The following BCAS3 variants were observed in gnomAD, a reference collection of about 807,000 sequenced individuals.
BCAS3 encodes the protein BCAS4/BCAS3 fusion.
BCAS3 carries 53 observed loss-of-function variants against 116.1 expected under a neutral mutation model. The ratio of observed to expected loss-of-function variants is 0.46; its 90% CI spans 0.37 to 0.57. The LOEUF (loss-of-function observed/expected upper bound fraction) is 0.57. Ranked by LOEUF, BCAS3 falls within the 20% of genes least tolerant of loss-of-function variation. The pLI is 0.00. For missense variants in BCAS3, 917 were observed against 1,165.4 expected, an observed-to-expected ratio of 0.79 and a Z score of 3.10; for synonymous variants, 391 against 408.2, an observed-to-expected ratio of 0.96 and a Z score of 0.51.
chr17:60,821,337 CA>C (rs1279849509), intron 7 of BCAS3, among the ~76,000 whole-genome samples: 25 of 152,126 alleles, frequency 1.6e-4, no homozygotes, highest in Non-Finnish European at 3.2e-4. Flanking sequence ...GTCATACATA[CA>C]TACATACATA....
Position 61,388,559 on chromosome 17 carries a change from T to C in BCAS3, c.2594-3418T>C. On this transcript the variant is annotated intron_variant, in intron 23 of 23. Transcript: ENST00000407086. The surrounding 1 kb of genome is among the most constrained non-coding windows in gnomAD (Gnocchi z 6.5). ...ACCTGCTTGCAGAGATCAGTGTACT[T>C]CTCAATCGTTGTCCATATCTTTTCC... 6.7e-7 allele frequency: 1 copy of C among 1,485,092 alleles called. No homozygotes were observed. The highest frequency in any genetic ancestry group is 9.0e-7 in the Non-Finnish European group (1 of 1,105,914). 92.0% of individuals were successfully genotyped at this position (1,485,092 alleles called of 1,614,324 possible). A position where few individuals can be genotyped will look rare whatever the true frequency, so the allele number is the denominator to read the frequency against.
At chr17:60,946,846 G>A (rs983799124) in intron 13 of BCAS3, among the ~76,000 whole-genome samples, 7 of 152,024 alleles carry the variant, frequency 4.6e-5, no homozygotes, top group Non-Finnish European at 5.9e-5. Flanking sequence ...AGGAATTTGC[G>A]GCTGCAGTGA....
chr17:60,892,955 A>G (rs1029865969), intron 10 of BCAS3, among the ~76,000 whole-genome samples: 1 of 152,114 alleles, frequency 6.6e-6, no homozygotes, highest in Non-Finnish European at 1.5e-5. Flanking sequence ...AGTCGTTTTC[A>G]CTGGCATAAG....
rs1259384685 is a variant in BCAS3, at chr17:61,378,721, A to G, written c.2593+10227A>G. 3 of 152,202 alleles carry G rather than the reference A, an allele frequency of 2.0e-5. No homozygotes were observed. The highest frequency in any genetic ancestry group is 4.4e-5 in the Non-Finnish European group (3 of 68,052). The allele number at this position is 152,202 out of a possible 1,614,324, so 9.4% of individuals were successfully genotyped here. A position where few individuals can be genotyped will look rare whatever the true frequency, so the allele number is the denominator to read the frequency against. The stretch of plus-strand genomic sequence containing the variant: ...GGTTTCTGTGGCCCCTGAGAGGTAA[A>G]TGAAAGCCAGTCAAAGCAATGGGAA... On this transcript the variant is annotated intron_variant, in intron 23 of 23. Coordinates refer to ENST00000407086, the MANE Select transcript of BCAS3 (RefSeq NM_017679.5). This position sits in a 1 kb window ranked among gnomAD's most constrained non-coding sequence, Gnocchi z 5.8.
chr17:61,080,023 A>C (rs577493825), intron 21 of BCAS3, among the ~76,000 whole-genome samples: 210 of 147,958 alleles, frequency 1.4e-3, no homozygotes, highest in South Asian at 2.6e-3. Flanking sequence ...TCCTACCTCA[A>C]CCTCCTGAGT....
At chr17:61,275,583 C>A (rs143615035) in intron 22 of BCAS3, among the ~76,000 whole-genome samples, 1 of 152,284 alleles carries the variant, frequency 6.6e-6, no homozygotes, top group Non-Finnish European at 1.5e-5. Flanking sequence ...TGAGCAGTGG[C>A]TCACTGCAGC....
intron 22 of BCAS3, among the ~76,000 whole-genome samples, chr17:61,152,686 G>A (rs2077606815): frequency 6.6e-6 from 1 of 151,752 alleles, no homozygotes; most frequent in Non-Finnish European, 1.5e-5. Flanking sequence ...TAATATTATT[G>A]TAAAGATAAT....
intron 5 of BCAS3, among the ~76,000 whole-genome samples, chr17:60,740,365 G>T (rs1416610444): frequency 6.6e-6 from 1 of 151,782 alleles, no homozygotes; most frequent in Non-Finnish European, 1.5e-5. Context: ...GGGCATGGTG[G>T]TGGGCACCTG....
intron 7 of BCAS3, among the ~76,000 whole-genome samples, chr17:60,860,223 T>C (rs773376004): frequency 5.3e-5 from 8 of 152,210 alleles, no homozygotes; most frequent in Non-Finnish European, 1.2e-4. Flanking sequence ...TGATTGTGAT[T>C]TTGATTTGCA....
intron 13 of BCAS3, among the ~76,000 whole-genome samples, chr17:60,933,424 A>C (rs919027129): frequency 6.6e-6 from 1 of 152,192 alleles, no homozygotes; most frequent in Non-Finnish European, 1.5e-5. Flanking sequence ...ACACATCTAC[A>C]TTTTAAATAA....
chr17:61,072,773 G>A lies in BCAS3; in HGVS notation c.2030-2147G>A, dbSNP rs142165745. On this transcript the variant is annotated intron_variant, in intron 19 of 23. Coordinates refer to ENST00000407086, the MANE Select transcript of BCAS3 (RefSeq NM_017679.5). ...GACTTAACCTTCCACTCACAACATG[G>A]CTTATCCCACCCAACCACAGTGGCC... is the stretch of plus-strand genomic sequence containing the variant. Among the ~76,000 whole-genome samples the A allele has an allele frequency of 9.2e-4, 140 of 151,798 alleles. 1 individual carries two copies. The highest frequency in any genetic ancestry group is 3.0e-3 in the African/African-American group (124 of 41,404).
At chr17:60,688,217 C>G (rs894372864) in intron 3 of BCAS3, 2 of 152,142 alleles carry the variant, frequency 1.3e-5, no homozygotes, top group Non-Finnish European at 2.9e-5. Context: ...CAAATAATGT[C>G]TGGGGTTTAA....
chr17:61,000,869 A>G (rs180797803), intron 15 of BCAS3, among the ~76,000 whole-genome samples: 8 of 152,298 alleles, frequency 5.3e-5, no homozygotes, highest in African/African-American at 1.9e-4. Context: ...AATTGTATAC[A>G]TCAGGAAATA....
chr17:61,108,863 G>C (rs771806413), intron 22 of BCAS3, among the ~76,000 whole-genome samples: 45 of 152,166 alleles, frequency 3.0e-4, no homozygotes, highest in Non-Finnish European at 3.4e-4. Context: ...TATGATGTTT[G>C]GTTTTCCATT....
rs185342525 is a variant in BCAS3, at chr17:61,162,815, A to G, written c.2425+78251A>G. ...GATGGAATATGAGAAAGAAAAGTGT[A>G]TTATTTACATTCTTAATGTTTTGCC... On this transcript the variant is annotated intron_variant, in intron 22 of 23. Coordinates refer to ENST00000407086, the MANE Select transcript of BCAS3 (RefSeq NM_017679.5). This position sits in a 1 kb window ranked among gnomAD's most constrained non-coding sequence, Gnocchi z 5.6. Among the ~76,000 whole-genome samples the G allele has an allele frequency of 5.9e-5, 9 of 152,348 alleles. No homozygotes were observed. The East Asian group carries it at 1.7e-3, about 29-fold the overall frequency.
At chr17:61,060,336 C>T (rs576260574) in intron 19 of BCAS3, among the ~76,000 whole-genome samples, 67 of 151,512 alleles carry the variant, frequency 4.4e-4, no homozygotes, top group East Asian at 7.8e-4. Context: ...GGGGTTTCAC[C>T]GTGTTAGCCA....
chr17:61,167,108 T>A (rs912409352), intron 22 of BCAS3, among the ~76,000 whole-genome samples: 1 of 152,222 alleles, frequency 6.6e-6, no homozygotes, highest in Non-Finnish European at 1.5e-5. Flanking sequence ...TGAATGCTTA[T>A]TGTGTTTTTA....
At chr17:60,906,610 T>C (rs1226698220) in intron 11 of BCAS3, among the ~76,000 whole-genome samples, 1 of 152,174 alleles carries the variant, frequency 6.6e-6, no homozygotes, top group Admixed American at 6.5e-5. Flanking sequence ...AGCTGAAATG[T>C]CTGGATTTCC....
At position 61,229,833 on chromosome 17, in the gene BCAS3, A is replaced by G. The variant is rs1024371435; in HGVS notation, c.2426-138494A>G. 1.3e-5 allele frequency among the ~76,000 whole-genome samples: 2 copies of G among 152,198 alleles called. No individual in the cohort carries two copies. The highest frequency in any genetic ancestry group is 6.5e-5 in the Admixed American group (1 of 15,272). On this transcript the variant is annotated intron_variant, in intron 22 of 23. Transcript: ENST00000407086. This position sits in a 1 kb window ranked among gnomAD's most constrained non-coding sequence, Gnocchi z 4.4. ...GCTAGGCTTTTATCTTCGAATTATA[A>G]GATAGTGTTGGCTGGGCGCGATGGC...
Sources: allele counts gnomAD v4.1 joint callset (sites outside exome capture counted in the v4.1 genomes callset), GRCh38; gene constraint gnomAD v4.1.1; non-coding constraint Gnocchi (gnomAD v3.1); transcripts MANE v1.5; gene names NCBI Gene and HGNC (gene_info 2026-07-23, HGNC 2026-07-21).